NEDD9: variants seen among roughly 807,000 people sequenced by gnomAD.
NEDD9 encodes neural precursor cell expressed, developmentally down-regulated 9.
A neutral mutation model predicts 76.6 loss-of-function variants in NEDD9; 26 were observed. The observed-to-expected ratio is 0.34, with a 90% CI of 0.25 to 0.47. The LOEUF is 0.47. Among genes scored for constraint, NEDD9 ranks in the 20% least tolerant of loss-of-function variants. The pLI is 1.00. For synonymous variants in NEDD9, 392 were observed against 414.2 expected, an observed-to-expected ratio of 0.95 and a Z score of 0.65; for missense variants, 937 against 1,058.5, an observed-to-expected ratio of 0.89 and a Z score of 1.59.
intron 1 of NEDD9, among the ~76,000 whole-genome samples, chr6:11,353,947 C>T (rs987838572): frequency 1.3e-5 from 2 of 152,114 alleles, no homozygotes; most frequent in Non-Finnish European, 2.9e-5. Context: ...GGCCATAATT[C>T]AACGGTCTTG....
chr6:11,250,553 AG>A (rs970839164), intron 3 of NEDD9, among the ~76,000 whole-genome samples: 4 of 152,192 alleles, frequency 2.6e-5, no homozygotes, highest in Admixed American at 2.6e-4. Flanking sequence ...ACGACCAGAG[AG>A]TTCTCTGGTG....
At chr6:11,298,128 G>A (rs185681530) in intron 3 of NEDD9, among the ~76,000 whole-genome samples, 2 of 151,962 alleles carry the variant, frequency 1.3e-5, no homozygotes, top group Admixed American at 6.6e-5. Flanking sequence ...GGCTGCTCTC[G>A]AACTCCTGAC....
chr6:11,189,816 C>T (rs1027984030), intron 5 of NEDD9, 148 bp downstream of exon 5: 33 of 1,035,670 alleles, frequency 3.2e-5, no homozygotes, highest in Admixed American at 8.3e-5. Flanking sequence ...TACTACTCTA[C>T]GACACTCCCT....
chr6:11,290,276 AAGCC>A (rs1760737236), intron 3 of NEDD9, among the ~76,000 whole-genome samples: 2 of 152,190 alleles, frequency 1.3e-5, no homozygotes, highest in Non-Finnish European at 2.9e-5. Context: ...CGACGCTTGC[AAGCC>A]AGGCTGATAC....
chr6:11,244,296 CACAT>C (rs764712307), intron 3 of NEDD9, among the ~76,000 whole-genome samples: 4 of 152,080 alleles, frequency 2.6e-5, no homozygotes, highest in Non-Finnish European at 4.4e-5. Flanking sequence ...CGCACACACA[CACAT>C]AGATACACAC....
chr6:11,303,266 A>G (rs765912663), intron 3 of NEDD9, among the ~76,000 whole-genome samples: 1 of 152,236 alleles, frequency 6.6e-6, no homozygotes, highest in Non-Finnish European at 1.5e-5. Context: ...CCCATTCACA[A>G]TTACTACAAA....
chr6:11,331,725 T>C (rs7742895), intron 2 of NEDD9, among the ~76,000 whole-genome samples: 7,853 of 152,246 alleles, frequency 0.052, 615 homozygotes, highest in African/African-American at 0.17. Flanking sequence ...TGGGTTTATT[T>C]CATATGGCCA....
chr6:11,214,113 C>A, intron 1 of NEDD9: 1 of 476,442 alleles, frequency 2.1e-6, no homozygotes. Flanking sequence ...AGATGTTCGA[C>A]AATGAACATT....
At chr6:11,360,930 G>A (rs1762669895) in intron 1 of NEDD9, among the ~76,000 whole-genome samples, 1 of 152,196 alleles carries the variant, frequency 6.6e-6, no homozygotes, top group Admixed American at 6.5e-5. Flanking sequence ...AGAGCAGACT[G>A]TCCACCCAGA....
chr6:11,192,274 CA>C, intron 4 of NEDD9, 70 bp downstream of exon 4: 1 of 334,352 alleles, frequency 3.0e-6, no homozygotes, highest in Non-Finnish European at 5.2e-6. Flanking sequence ...CCCACCCTCC[CA>C]ACCCTGCACC....
intron 1 of NEDD9, among the ~76,000 whole-genome samples, chr6:11,358,132 C>A (rs576605872): frequency 1.3e-5 from 2 of 151,606 alleles, no homozygotes; most frequent in South Asian, 4.2e-4. Flanking sequence ...GCCTGTAGTC[C>A]CAGCTACTCG....
intron 1 of NEDD9, among the ~76,000 whole-genome samples, chr6:11,357,619 T>C (rs1159242150): frequency 2.0e-5 from 3 of 152,142 alleles, no homozygotes; most frequent in Non-Finnish European, 4.4e-5. Context: ...AGAAAATAAA[T>C]ACAAATAATA....
At chr6:11,253,562 A>AT (rs1279897364) in intron 3 of NEDD9, among the ~76,000 whole-genome samples, 1 of 152,216 alleles carries the variant, frequency 6.6e-6, no homozygotes, top group Non-Finnish European at 1.5e-5. Context: ...CTTATTTCAA[A>AT]TGTTCAAAAC....
In NEDD9 at chr6:11,292,309, C is replaced by T. The variant is rs57832142; in HGVS notation, c.12+13683G>A. 7.1e-3 allele frequency among the ~76,000 whole-genome samples: 1,076 copies of T among 152,328 alleles called. 17 individuals are homozygous for T. The highest frequency in any genetic ancestry group is 0.025 in the African/African-American group (1,021 of 41,562). ...GTTTAAGCTTCGAGGTCACTTTCTG[C>T]ATCTCAGCTCCTGTTTATTTTCTGG... On this transcript the variant is annotated intron_variant, in intron 3 of 3. Transcript: ENST00000397378.
intron 2 of NEDD9, among the ~76,000 whole-genome samples, chr6:11,320,763 G>A (rs1761778876): frequency 6.6e-6 from 1 of 152,166 alleles, no homozygotes; most frequent in Admixed American, 6.5e-5. Flanking sequence ...AGATATAATG[G>A]TGAGTGAAAA....
intron 2 of NEDD9, chr6:11,201,058 G>T (rs1317619410): frequency 6.2e-7 from 1 of 1,614,202 alleles, no homozygotes; most frequent in Non-Finnish European, 8.5e-7. Context: ...TAGAGACAAA[G>T]CATTTTCTGT....
chr6:11,200,815 G>T, intron 2 of NEDD9: 2 of 1,472,184 alleles, frequency 1.4e-6, no homozygotes, highest in Non-Finnish European at 9.0e-7. Flanking sequence ...CATTATTACG[G>T]TTATCACCAG....
At chr6:11,342,981 G>A (rs1762301820) in intron 1 of NEDD9, among the ~76,000 whole-genome samples, 2 of 152,172 alleles carry the variant, frequency 1.3e-5, no homozygotes, top group Non-Finnish European at 2.9e-5. Flanking sequence ...AAAGAAAGAG[G>A]GACGTTTCAA....
At chr6:11,363,092 C>T (rs754893321) in intron 1 of NEDD9, among the ~76,000 whole-genome samples, 128 of 152,254 alleles carry the variant, frequency 8.4e-4, no homozygotes, top group South Asian at 2.1e-3. Flanking sequence ...AAATTGGTTG[C>T]AGTCAATGAC....
Sources: gnomAD v4.1 joint callset for allele counts (sites outside exome capture counted in the v4.1 genomes callset) on GRCh38, gnomAD v4.1.1 for gene constraint, MANE v1.5 for transcripts, NCBI Gene and HGNC (gene_info 2026-07-23, HGNC 2026-07-21) for gene names.